Variants in GALNT2 observed in about 807,000 individuals in gnomAD.
GALNT2 encodes the protein UDP-GalNAc:polypeptide N-acetylgalactosaminyltransferase 2.
In GALNT2, 31 loss-of-function variants were observed where a neutral mutation model predicts 81.4. The observed-to-expected ratio is 0.38, with a 90% CI of 0.29 to 0.51. The LOEUF (loss-of-function observed/expected upper bound fraction) is 0.51. GALNT2 is among the 20% of genes least tolerant of loss of function. GALNT2 has a pLI of 0.87. For missense variants in GALNT2, 629 were observed against 765.7 expected, an observed-to-expected ratio of 0.82 and a Z score of 2.11; for synonymous variants, 303 against 287.4, an observed-to-expected ratio of 1.05 and a Z score of -0.55.
intron 1 of GALNT2, among the ~76,000 whole-genome samples, chr1:230,142,911 G>A (rs763933052): frequency 6.6e-6 from 1 of 152,204 alleles, no homozygotes; most frequent in South Asian, 2.1e-4. Flanking sequence ...CCTGGGAGAA[G>A]GTTTGAGCTC....
At position 230,070,481 on chromosome 1, in the gene GALNT2, CTG is replaced by C. The variant is rs1429335640; in HGVS notation, c.126+3077_126+3078del. On this transcript the variant is annotated intron_variant, in intron 1 of 15. Coordinates refer to ENST00000366672, the MANE Select transcript of GALNT2 (RefSeq NM_004481.5). This position sits in a 1 kb window ranked among gnomAD's most constrained non-coding sequence, Gnocchi z 4.7. Reference sequence around the variant, plus strand: ...TGGAAAGGGAAGGGTTTTCTCTCTGCTGTAAGAGTGTGTGGAGCCTGAGACCC... The same window carrying C: ...TGGAAAGGGAAGGGTTTTCTCTCTGCTAAGAGTGTGTGGAGCCTGAGACCC... Among the ~76,000 whole-genome samples, 1 of 152,136 alleles carries C rather than the reference CTG, an allele frequency of 6.6e-6. No individual in the cohort carries two copies. Among genetic ancestry groups the C allele is most frequent in the Non-Finnish European group, 1.5e-5 (1 of 68,032 alleles).
intron 2 of GALNT2, among the ~76,000 whole-genome samples, chr1:230,196,541 G>A (rs901876971): frequency 2.0e-5 from 3 of 152,174 alleles, no homozygotes; most frequent in African/African-American, 7.2e-5. Flanking sequence ...TCCTCAGGAC[G>A]GCAAGTGCGA....
chr1:230,245,896 C>T (rs1421771740), intron 7 of GALNT2, among the ~76,000 whole-genome samples, 167 bp from the exon 8 acceptor site: 1 of 152,180 alleles, frequency 6.6e-6, no homozygotes, highest in Admixed American at 6.5e-5. Context: ...AAGAGCAAGA[C>T]CTTCTGGGTC....
chr1:230,164,897 C>T (rs1194365606), intron 1 of GALNT2, among the ~76,000 whole-genome samples: 3 of 152,050 alleles, frequency 2.0e-5, no homozygotes, highest in Admixed American at 1.3e-4. Flanking sequence ...GTGCCTGGAC[C>T]CCAAACCTTA....
chr1:230,131,614 G>A (rs1022098965), intron 1 of GALNT2, among the ~76,000 whole-genome samples: 23 of 152,174 alleles, frequency 1.5e-4, no homozygotes, highest in African/African-American at 5.3e-4. Context: ...ACCTCGCACT[G>A]TCTCGCTGCT....
chr1:230,114,233 T>A (rs533377045), intron 1 of GALNT2, among the ~76,000 whole-genome samples: 8 of 152,290 alleles, frequency 5.3e-5, no homozygotes, highest in East Asian at 1.9e-4. Context: ...TCCTGGTGTT[T>A]CCGCGCCTCA....
chr1:230,236,376 A>T lies in GALNT2; in HGVS notation c.497A>T (p.His166Leu), dbSNP rs765521422. 11 of 1,613,980 alleles carry T rather than the reference A, an allele frequency of 6.8e-6. No homozygotes were observed. In the Admixed American group the frequency reaches 1.8e-4, roughly 27 times the overall value. ...VVSVLKKSPP[H>L]LIKEIILVDD... ...AGCGTGCTTAAGAAAAGCCCGCCCC[A>T]TCTCATAAAAGAAATCATCTTGGTG... Residue 166 changes from histidine (H) to leucine (L), a missense_variant, in exon 5 of 16, where the codon CAT (histidine) becomes CTT (leucine). His to Leu is a moderately conservative substitution (Grantham distance 99, BLOSUM62 -3). Coordinates refer to ENST00000366672, the MANE Select transcript of GALNT2 (RefSeq NM_004481.5).
At chr1:230,157,368 A>G (rs978674751) in intron 1 of GALNT2, among the ~76,000 whole-genome samples, 1 of 152,218 alleles carries the variant, frequency 6.6e-6, no homozygotes, top group African/African-American at 2.4e-5. Context: ...GAGCAGCTGG[A>G]ACTCTTATCC....
At chr1:230,218,214 G>A (rs979299307) in intron 3 of GALNT2, among the ~76,000 whole-genome samples, 1 of 152,202 alleles carries the variant, frequency 6.6e-6, no homozygotes, top group East Asian at 1.9e-4. Flanking sequence ...GACAAGATAT[G>A]CTGAATCGGA....
At chr1:230,126,500 G>A (rs544687621) in intron 1 of GALNT2, among the ~76,000 whole-genome samples, 2 of 152,240 alleles carry the variant, frequency 1.3e-5, no homozygotes, top group South Asian at 2.1e-4. Context: ...AACGGATGCC[G>A]ATGCCTCGAG....
chr1:230,258,616 C>CT (rs1317919043), intron 11 of GALNT2: 2 of 152,178 alleles, frequency 1.3e-5, no homozygotes, highest in Non-Finnish European at 2.9e-5. Flanking sequence ...TCTGAGAAAA[C>CT]TTTAATAGAA....
chr1:230,157,053 G>A (rs1327187780), intron 1 of GALNT2, among the ~76,000 whole-genome samples: 2 of 152,202 alleles, frequency 1.3e-5, no homozygotes, highest in Non-Finnish European at 2.9e-5. Context: ...ATCCCTGCAG[G>A]AGTAAATAAG....
chr1:230,113,017 C>G (rs552378382), intron 1 of GALNT2, among the ~76,000 whole-genome samples: 5 of 152,316 alleles, frequency 3.3e-5, no homozygotes, highest in African/African-American at 1.2e-4. Flanking sequence ...GTGAAGGTCT[C>G]AGCACCTTCT....
At chr1:230,205,061 G>C (rs1664018643) in intron 3 of GALNT2, among the ~76,000 whole-genome samples, 1 of 152,192 alleles carries the variant, frequency 6.6e-6, no homozygotes, top group Non-Finnish European at 1.5e-5. Flanking sequence ...GGAAAGCATG[G>C]GGCTCCCAGA....
chr1:230,156,498 T>C (rs1008656579), intron 1 of GALNT2, among the ~76,000 whole-genome samples: 1 of 152,166 alleles, frequency 6.6e-6, no homozygotes, highest in African/African-American at 2.4e-5. Flanking sequence ...CAACGTTCGT[T>C]TCCTAAAATT....
chr1:230,154,019 C>T (rs1662170412), intron 1 of GALNT2, among the ~76,000 whole-genome samples: 1 of 152,226 alleles, frequency 6.6e-6, no homozygotes, highest in Admixed American at 6.5e-5. Flanking sequence ...TCTTTTCACC[C>T]ATTGTTTGGA....
chr1:230,268,916 C>T (rs1666101847), intron 14 of GALNT2, among the ~76,000 whole-genome samples: 2 of 152,346 alleles, frequency 1.3e-5, no homozygotes, highest in African/African-American at 4.8e-5. Context: ...CTTGCCTCTG[C>T]ACCAACTTCA....
intron 1 of GALNT2, among the ~76,000 whole-genome samples, chr1:230,107,176 C>T (rs979743623): frequency 2.6e-5 from 4 of 152,234 alleles, no homozygotes; most frequent in African/African-American, 7.2e-5. Context: ...TAAGGAAGGA[C>T]GCCAGCCTCA....
chr1:230,127,825 T>C (rs1252690108), intron 1 of GALNT2, among the ~76,000 whole-genome samples: 1 of 152,218 alleles, frequency 6.6e-6, no homozygotes, highest in Non-Finnish European at 1.5e-5. Flanking sequence ...ATTGTTGCAC[T>C]GTAACTCATT....
Sources: allele counts gnomAD v4.1 joint callset (sites outside exome capture counted in the v4.1 genomes callset), GRCh38; gene constraint gnomAD v4.1.1; non-coding constraint Gnocchi (gnomAD v3.1); transcripts MANE v1.5; gene names NCBI Gene and HGNC (gene_info 2026-07-23, HGNC 2026-07-21).